The following UBN2 variants were observed in gnomAD, a reference collection of about 807,000 sequenced individuals.
The protein encoded by UBN2 is ubinuclein 2.
Under a neutral mutation model 120.2 loss-of-function variants are expected in UBN2, and 35 were observed. That is an observed-to-expected ratio of 0.29 (90% CI 0.22 to 0.39). The LOEUF is 0.39. UBN2 is among the 10% of genes least tolerant of loss of function. The probability of loss-of-function intolerance (pLI) is 1.00; values close to 1 mark genes in which losing one functional copy is unlikely to be tolerated. For missense variants in UBN2, 1,693 were observed against 1,663.2 expected, an observed-to-expected ratio of 1.02 and a Z score of -0.31; for synonymous variants, 661 against 648.7, an observed-to-expected ratio of 1.02 and a Z score of -0.29.
intron 12 of UBN2, among the ~76,000 whole-genome samples, chr7:139,278,160 T>C (rs962769827): frequency 2.0e-5 from 3 of 150,616 alleles, no homozygotes; most frequent in African/African-American, 7.3e-5. Context: ...AAAAGATGTC[T>C]CCCTCTCTGT....
chr7:139,259,615 G>C (rs919221801), intron 5 of UBN2, among the ~76,000 whole-genome samples: 1 of 152,150 alleles, frequency 6.6e-6, no homozygotes, highest in Non-Finnish European at 1.5e-5. Context: ...ACAAGAACCA[G>C]TTTGAAAAGA....
chr7:139,265,871 C>T (rs1197560487), intron 6 of UBN2, among the ~76,000 whole-genome samples: 2 of 151,950 alleles, frequency 1.3e-5, no homozygotes, highest in Non-Finnish European at 1.5e-5. Flanking sequence ...CATTTCAGCC[C>T]GGTGATATTG....
At chr7:139,288,873 G>A (rs1398869163) in intron 15 of UBN2, among the ~76,000 whole-genome samples, 2 of 151,676 alleles carry the variant, frequency 1.3e-5, no homozygotes, top group South Asian at 2.1e-4. Flanking sequence ...ATGGTGGCAC[G>A]TGCCTGTAAT....
At chr7:139,274,366 G>C (rs1367389437) in intron 11 of UBN2, among the ~76,000 whole-genome samples, 1 of 152,178 alleles carries the variant, frequency 6.6e-6, no homozygotes, top group East Asian at 1.9e-4. Context: ...AAATGGTTAT[G>C]AAGTTTGGGA....
Position 139,273,925 on chromosome 7 carries a change from G to T in UBN2, c.1830-6G>T. On this transcript the variant is annotated splice_region_variant and splice_polypyrimidine_tract_variant and intron_variant, in intron 10 of 17. Transcript: ENST00000473989. ...AAGTTTCAAATTTAATTTTCAATCT[G>T]TTTAGAACTTTGTTATGTAACCTTG... 1 of 1,595,144 alleles carries T rather than the reference G, an allele frequency of 6.3e-7. No individual in the cohort carries two copies. Among genetic ancestry groups the T allele is most frequent in the Non-Finnish European group, 8.5e-7 (1 of 1,174,632 alleles).
chr7:139,266,807 G>A (rs1440319938), intron 7 of UBN2, among the ~76,000 whole-genome samples: 2 of 152,090 alleles, frequency 1.3e-5, no homozygotes, highest in Non-Finnish European at 2.9e-5. Flanking sequence ...TATCTAGTGA[G>A]GTTGATTATA....
chr7:139,262,322 A>T (rs1363487956), intron 6 of UBN2, among the ~76,000 whole-genome samples: 6 of 152,008 alleles, frequency 3.9e-5, no homozygotes, highest in Non-Finnish European at 4.4e-5. Flanking sequence ...CTGGTCTTGA[A>T]TTCCTGACCT....
At chr7:139,244,795 C>T (rs1021815332) in intron 2 of UBN2, among the ~76,000 whole-genome samples, 1 of 151,974 alleles carries the variant, frequency 6.6e-6, no homozygotes, top group South Asian at 2.1e-4. Flanking sequence ...TCCATAATAA[C>T]CAGTTAAGTT....
intron 11 of UBN2, among the ~76,000 whole-genome samples, chr7:139,275,151 A>G (rs1797404036): frequency 6.6e-6 from 1 of 151,004 alleles, no homozygotes; most frequent in Admixed American, 6.6e-5. Flanking sequence ...GGTGGTGGGC[A>G]CCTGTAATCC....
At chr7:139,235,794 C>A (rs1014350331) in intron 1 of UBN2, among the ~76,000 whole-genome samples, 1 of 152,174 alleles carries the variant, frequency 6.6e-6, no homozygotes, top group African/African-American at 2.4e-5. Context: ...AAAGTTAACT[C>A]CTTTAAAGAA....
intron 1 of UBN2, among the ~76,000 whole-genome samples, chr7:139,232,769 GA>G (rs773099535): frequency 2.0e-5 from 3 of 152,066 alleles, no homozygotes; most frequent in South Asian, 2.1e-4. Context: ...GGAGGATGAT[GA>G]AAAAAATGTC....
intron 15 of UBN2, among the ~76,000 whole-genome samples, chr7:139,292,229 G>T (rs953514569): frequency 6.6e-6 from 1 of 152,142 alleles, no homozygotes; most frequent in Non-Finnish European, 1.5e-5. Context: ...GCACTCCAGC[G>T]TGGGCAACAG....
intron 2 of UBN2, among the ~76,000 whole-genome samples, chr7:139,249,110 C>T (rs1796549616): frequency 6.6e-6 from 1 of 151,950 alleles, no homozygotes; most frequent in Non-Finnish European, 1.5e-5. Flanking sequence ...TGGGATTATA[C>T]CCTCAGTAGC....
rs543836538 is a variant in UBN2 at position 139,231,436 on chromosome 7, T to G, written c.-49T>G. The G allele has an allele frequency of 9.4e-6, 12 of 1,274,686 alleles. No homozygotes were observed. Among genetic ancestry groups the G allele is most frequent in the African/African-American group, 1.5e-5 (1 of 64,710 alleles). 79.0% of individuals were successfully genotyped at this position (1,274,686 alleles called of 1,614,324 possible). A position where few individuals can be genotyped will look rare whatever the true frequency, so the allele number is the denominator to read the frequency against. Reference sequence around the variant, plus strand: ...GGGCGGGCAGGCACGCAGCGCGCCGTAGAAGCGAGCGCCGGCTCGAGCAAA... The same window carrying G: ...GGGCGGGCAGGCACGCAGCGCGCCGGAGAAGCGAGCGCCGGCTCGAGCAAA... On this transcript the variant is annotated 5_prime_UTR_variant, in exon 1 of 18. Coordinates refer to ENST00000473989, the MANE Select transcript of UBN2 (RefSeq NM_173569.4).
chr7:139,267,507 A>G (rs557210120), intron 7 of UBN2, among the ~76,000 whole-genome samples: 2 of 151,662 alleles, frequency 1.3e-5, no homozygotes, highest in East Asian at 1.9e-4. Context: ...CTGTACCCCA[A>G]CCTGGGTGAT....
rs890576461 is a variant in UBN2, at chr7:139,300,144, A to T, written c.*2308A>T. 7 of 152,200 alleles carry T rather than the reference A, an allele frequency of 4.6e-5. No individual in the cohort carries two copies. The highest frequency in any genetic ancestry group is 8.8e-5 in the Non-Finnish European group (6 of 68,028). The allele number at this position is 152,200 out of a possible 1,614,324, so 9.4% of individuals were successfully genotyped here. On this transcript the variant is annotated 3_prime_UTR_variant, in exon 18 of 18. Coordinates refer to ENST00000473989, the MANE Select transcript of UBN2 (RefSeq NM_173569.4). ...TCAGTTCTTTTCCCTGTAACATTTTATACTAACCAGTAAAAATATCTGAAG... is the reference window on the plus strand; with the variant it reads ...TCAGTTCTTTTCCCTGTAACATTTTTTACTAACCAGTAAAAATATCTGAAG...
At chr7:139,236,293 G>A (rs912284079) in intron 1 of UBN2, among the ~76,000 whole-genome samples, 3 of 152,078 alleles carry the variant, frequency 2.0e-5, no homozygotes, top group Admixed American at 1.3e-4. Flanking sequence ...TCTTTTTGCA[G>A]CTATTTCTCT....
At position 139,298,852 on chromosome 7, in the gene UBN2, A is replaced by G. The variant is rs901291979; in HGVS notation, c.*1016A>G. ...CTTCAGGTGATTATTAGCTATTGGT[A>G]TAAACAGGTAGAAGTGTACACTATG... On this transcript the variant is annotated 3_prime_UTR_variant, in exon 18 of 18. Coordinates refer to ENST00000473989, the MANE Select transcript of UBN2 (RefSeq NM_173569.4). 6.6e-6 allele frequency: 1 copy of G among 152,154 alleles called. No homozygotes were observed. The highest frequency in any genetic ancestry group is 2.4e-5 in the African/African-American group (1 of 41,430). 9.4% of individuals were successfully genotyped at this position (152,154 alleles called of 1,614,324 possible). A position where few individuals can be genotyped will look rare whatever the true frequency, so the allele number is the denominator to read the frequency against.
chr7:139,322,124 C>T, the UBN2 span, among the ~76,000 whole-genome samples: 1 of 151,996 alleles, frequency 6.6e-6, no homozygotes, highest in African/African-American at 2.4e-5. Flanking sequence ...TAGACACGTG[C>T]CACTACACCT....
Sources: allele counts gnomAD v4.1 joint callset (sites outside exome capture counted in the v4.1 genomes callset), GRCh38; gene constraint gnomAD v4.1.1; transcripts MANE v1.5; gene names NCBI Gene and HGNC (gene_info 2026-07-23, HGNC 2026-07-21).